Variants in CCDC171 observed in about 807,000 individuals in gnomAD.
CCDC171 encodes coiled-coil domain-containing protein 171.
A neutral mutation model predicts 168.2 loss-of-function variants in CCDC171; 177 were observed. That is an observed-to-expected ratio of 1.05 (90% CI 0.93 to 1.19). The LOEUF (loss-of-function observed/expected upper bound fraction) is 1.19, where lower values mean the gene tolerates loss of function less well. Ranked by LOEUF, CCDC171 falls within the 50% of genes most tolerant of loss-of-function variation. CCDC171 has a pLI of 0.00. For synonymous variants in CCDC171, 687 were observed against 540.8 expected (o/e 1.27, Z -3.75); for missense variants, 1,991 against 1,539.0 (o/e 1.29, Z -4.91).
At chr9:15,825,042 A>G (rs1459930053) in intron 21 of CCDC171, among the ~76,000 whole-genome samples, 2 of 152,092 alleles carry the variant, frequency 1.3e-5, no homozygotes, top group Non-Finnish European at 2.9e-5. Context: ...AACTCTCCCA[A>G]AGTTCCTCTT....
At chr9:15,824,292 TTA>T (rs944080559) in intron 21 of CCDC171, among the ~76,000 whole-genome samples, 1 of 151,970 alleles carries the variant, frequency 6.6e-6, no homozygotes, top group African/African-American at 2.4e-5. Context: ...AAAATAAAAT[TTA>T]TATACTACAC....
At chr9:15,621,630 CAG>C (rs2044513411) in intron 6 of CCDC171, among the ~76,000 whole-genome samples, 1 of 152,150 alleles carries the variant, frequency 6.6e-6, no homozygotes, top group East Asian at 1.9e-4. Context: ...CAAAAAATAA[CAG>C]ATGCTGGCGA....
chr9:15,880,516 A>G (rs1184912), intron 24 of CCDC171, among the ~76,000 whole-genome samples: 116,122 of 149,128 alleles, frequency 0.78, 45,930 homozygotes, highest in East Asian at 0.85. Context: ...GAGTGCAGTG[A>G]CGTGATCTCG....
chr9:15,628,897 C>T (rs1463815842), intron 7 of CCDC171, among the ~76,000 whole-genome samples: 7 of 152,278 alleles, frequency 4.6e-5, no homozygotes, highest in South Asian at 2.1e-4. Flanking sequence ...CTGCAGCCAC[C>T]GCTGCTGGTA....
At chr9:16,069,946 G>T in the CCDC171 span, among the ~76,000 whole-genome samples, 90 of 152,256 alleles carry the variant, frequency 5.9e-4, no homozygotes, top group African/African-American at 2.0e-3. Flanking sequence ...CATAGCAGGG[G>T]CAGGAAATCC....
At chr9:15,866,891 T>A (rs2131087504) in intron 23 of CCDC171, among the ~76,000 whole-genome samples, 1 of 152,170 alleles carries the variant, frequency 6.6e-6, no homozygotes, top group African/African-American at 2.4e-5. Flanking sequence ...ACTTAATGAA[T>A]GTTTGTGGAA....
chr9:15,895,663 T>G (rs150209981), intron 24 of CCDC171, among the ~76,000 whole-genome samples: 333 of 152,210 alleles, frequency 2.2e-3, no homozygotes, highest in African/African-American at 7.7e-3. Context: ...TAATATATTT[T>G]TGTGTGTGAT....
At chr9:15,690,716 T>C (rs1029286326) in intron 10 of CCDC171, among the ~76,000 whole-genome samples, 1 of 152,054 alleles carries the variant, frequency 6.6e-6, no homozygotes, top group Admixed American at 6.5e-5. Context: ...AGATGGCAAA[T>C]AGAAATGAGA....
chr9:15,617,160 G>T (rs758330292), intron 6 of CCDC171, among the ~76,000 whole-genome samples: 1 of 152,152 alleles, frequency 6.6e-6, no homozygotes, highest in African/African-American at 2.4e-5. Flanking sequence ...AGAGGAGTTT[G>T]TTCCACCTTC....
chr9:15,955,276 G>A (rs564890074), intron 25 of CCDC171, among the ~76,000 whole-genome samples: 12 of 152,204 alleles, frequency 7.9e-5, no homozygotes, highest in South Asian at 6.2e-4. Flanking sequence ...GGTCCCAAAG[G>A]GGGGAAAAGA....
At chr9:15,835,897 A>C (rs987859764) in intron 21 of CCDC171, among the ~76,000 whole-genome samples, 27 of 152,164 alleles carry the variant, frequency 1.8e-4, no homozygotes, top group Non-Finnish European at 3.7e-4. Flanking sequence ...TATGTATATT[A>C]AAAATAGTAT....
At chr9:15,960,157 A>G (rs547816711) in intron 25 of CCDC171, among the ~76,000 whole-genome samples, 1 of 152,158 alleles carries the variant, frequency 6.6e-6, no homozygotes, top group African/African-American at 2.4e-5. Flanking sequence ...TTCCAGTGCT[A>G]TTGTGCATCA....
chr9:15,986,463 C>A (rs1004855617), intron 3 of CCDC171, among the ~76,000 whole-genome samples: 1 of 152,186 alleles, frequency 6.6e-6, no homozygotes, highest in Non-Finnish European at 1.5e-5. Context: ...ACTAATGCAG[C>A]GGGTGTAACA....
intron 21 of CCDC171, among the ~76,000 whole-genome samples, chr9:15,814,994 T>C (rs1412715435): frequency 6.6e-6 from 1 of 152,210 alleles, no homozygotes; most frequent in Non-Finnish European, 1.5e-5. Context: ...AGTCTGTCCA[T>C]GAAAAATCTT....
chr9:15,795,491 A>C (rs2058505164), intron 21 of CCDC171, among the ~76,000 whole-genome samples: 1 of 152,202 alleles, frequency 6.6e-6, no homozygotes. Flanking sequence ...AAGAGAGCAA[A>C]ATAATCAGGT....
At chr9:15,809,373 G>A (rs1002283052) in intron 21 of CCDC171, among the ~76,000 whole-genome samples, 6 of 152,194 alleles carry the variant, frequency 3.9e-5, no homozygotes, top group African/African-American at 1.2e-4. Context: ...CAATTCCTCA[G>A]TCTCACTGTG....
chr9:16,042,549 C>T (rs1015770499), upstream of CCDC171, among the ~76,000 whole-genome samples: 1 of 152,162 alleles, frequency 6.6e-6, no homozygotes, highest in Admixed American at 6.5e-5. Context: ...CCCCTGAGGA[C>T]AAAGTGTTAA....
chr9:15,575,821 A>G (rs182475796), intron 3 of CCDC171, among the ~76,000 whole-genome samples: 1 of 152,266 alleles, frequency 6.6e-6, no homozygotes, highest in East Asian at 1.9e-4. Flanking sequence ...GATGGGTGCC[A>G]TGGCTCACGC....
At chr9:15,877,877 A>T (rs1432078931) in intron 24 of CCDC171, among the ~76,000 whole-genome samples, 1 of 152,188 alleles carries the variant, frequency 6.6e-6, no homozygotes, top group Non-Finnish European at 1.5e-5. Context: ...ATTAGTAGGC[A>T]TCCAGTAAAT....
Sources: gnomAD v4.1 joint callset for allele counts (sites outside exome capture counted in the v4.1 genomes callset) on GRCh38, gnomAD v4.1.1 for gene constraint, MANE v1.5 for transcripts, NCBI Gene and HGNC (gene_info 2026-07-23, HGNC 2026-07-21) for gene names.